Variants in LRRC37B observed in about 807,000 individuals in gnomAD.
The protein encoded by LRRC37B is leucine-rich repeat-containing protein 37B.
Under a neutral mutation model 98.3 loss-of-function variants are expected in LRRC37B, and 28 were observed. The observed-to-expected ratio is 0.28, with a 90% CI of 0.21 to 0.39. LRRC37B has a LOEUF of 0.39. Ranked by LOEUF, LRRC37B falls within the 10% of genes least tolerant of loss-of-function variation. The pLI is 1.00. For missense variants in LRRC37B, 938 were observed against 1,182.7 expected (o/e 0.79, Z 3.03); for synonymous variants, 364 against 442.7 (o/e 0.82, Z 2.23).
At chr17:32,031,720 T>C (rs1037395148) in intron 5 of LRRC37B, among the ~76,000 whole-genome samples, 23 of 151,636 alleles carry the variant, frequency 1.5e-4, no homozygotes, top group Non-Finnish European at 3.4e-4. Context: ...CAAATTAGCC[T>C]TGTTGCTGGG....
chr17:32,012,524 C>A (rs982435774), intron 1 of LRRC37B, among the ~76,000 whole-genome samples: 1 of 150,740 alleles, frequency 6.6e-6, no homozygotes, highest in Non-Finnish European at 1.5e-5. Flanking sequence ...CAAGACCAGA[C>A]CGGCCAACAT....
chr17:32,024,347 G>A lies in LRRC37B; in HGVS notation c.1761-364G>A, dbSNP rs879065187. 13 of 584,518 alleles carry A rather than the reference G, an allele frequency of 2.2e-5. No homozygotes were observed. The South Asian group carries it at 2.6e-4, about 12-fold the overall frequency. 36.2% of individuals were successfully genotyped at this position (584,518 alleles called of 1,614,324 possible). ...TCTACTTATTTATCGATAAAGATAA[G>A]CTTATGCCCATTTTTCTGTTGAATT... On this transcript the variant is annotated intron_variant, in intron 1 of 11. Transcript: ENST00000327564.
intron 2 of LRRC37B, among the ~76,000 whole-genome samples, chr17:32,025,112 C>A (rs1285837196): frequency 8.0e-6 from 1 of 124,410 alleles, no homozygotes; most frequent in African/African-American, 3.0e-5. Context: ...TCACATCTCA[C>A]TGCAGCCTTC....
Position 32,035,000 on chromosome 17 carries a change from T to A in LRRC37B, c.2129+19T>A. ...AATATCTGTAAGTACTATAGTACTCTCATGAGTCATGAGATGATTTATGCT... is the reference window on the plus strand; with the variant it reads ...AATATCTGTAAGTACTATAGTACTCACATGAGTCATGAGATGATTTATGCT... On this transcript the variant is annotated intron_variant, in intron 6 of 11. Coordinates refer to ENST00000327564, the Ensembl canonical transcript of LRRC37B. The A allele has an allele frequency of 6.9e-7, 1 of 1,445,324 alleles. No homozygotes were observed. Among genetic ancestry groups the A allele is most frequent in the Non-Finnish European group, 9.6e-7 (1 of 1,041,138 alleles). 89.5% of individuals were successfully genotyped at this position (1,445,324 alleles called of 1,614,324 possible). A position where few individuals can be genotyped will look rare whatever the true frequency, so the allele number is the denominator to read the frequency against.
At chr17:32,025,437 A>T (rs931681003) in intron 2 of LRRC37B, among the ~76,000 whole-genome samples, 3 of 151,626 alleles carry the variant, frequency 2.0e-5, no homozygotes, top group Non-Finnish European at 4.4e-5. Flanking sequence ...CTGTGTGTTT[A>T]GTATACATGC....
intron 3 of LRRC37B, 118 bp downstream of exon 6, chr17:32,027,958 A>C: frequency 1.4e-6 from 1 of 735,380 alleles, no homozygotes; most frequent in Admixed American, 3.0e-5. Context: ...CAATTCTGTA[A>C]GTTTGTATAG....
intron 3 of LRRC37B, among the ~76,000 whole-genome samples, chr17:32,030,414 C>T (rs1342584646): frequency 6.6e-6 from 1 of 151,182 alleles, no homozygotes; most frequent in African/African-American, 2.4e-5. Context: ...GTCTACTGCT[C>T]TCAGGAAAAA....
At chr17:32,021,185 T>A in exon 1 of LRRC37B, 1 of 1,613,392 alleles carries the variant, frequency 6.2e-7, no homozygotes, top group South Asian at 1.1e-5. Context: ...GGCCCCTCCT[T>A]ACGTGGCAAC....
intron 1 of LRRC37B, among the ~76,000 whole-genome samples, chr17:32,023,749 T>C (rs1247033929): frequency 1.3e-5 from 2 of 152,210 alleles, no homozygotes; most frequent in Admixed American, 1.3e-4. Flanking sequence ...CTCCTCTTTG[T>C]CCCTGGCTTT....
At position 32,049,974 on chromosome 17, in the gene LRRC37B, CTTTTTTCTTTT is replaced by C. The variant is rs763088892; in HGVS notation, c.2758-13_2758-3del. 7.8e-5 allele frequency: 102 copies of C among 1,312,472 alleles called. No homozygotes were observed. Among genetic ancestry groups the C allele is most frequent in the African/African-American group, 2.1e-4 (14 of 66,178 alleles). 81.3% of individuals were successfully genotyped at this position (1,312,472 alleles called of 1,614,324 possible). The stretch of plus-strand genomic sequence containing the variant: ...CTCTCTTTTTTTTTAATTGTTCTTT[CTTTTTTCTTTT>C]TTTTTTCTTTTTTTTAGCTCATGAA... On this transcript the variant is annotated intron_variant, in intron 10 of 11. Coordinates refer to ENST00000327564, the Ensembl canonical transcript of LRRC37B.
chr17:32,007,782 A>G, upstream of LRRC37B: 1 of 1,189,682 alleles, frequency 8.4e-7, no homozygotes, highest in Non-Finnish European at 1.0e-6. This position sits in a 1 kb window ranked among gnomAD's most constrained non-coding sequence, Gnocchi z 4.1. Flanking sequence ...GGCGCCCAAG[A>G]CGCGGCTGAG....
chr17:32,017,833 G>A (rs1226542039), upstream of LRRC37B: 2 of 152,624 alleles, frequency 1.3e-5, no homozygotes, highest in Non-Finnish European at 2.9e-5. Flanking sequence ...AGCATATGAT[G>A]AGGAAACTTC....
intron 1 of LRRC37B, among the ~76,000 whole-genome samples, chr17:32,010,387 A>T (rs1017541968): frequency 2.6e-5 from 4 of 152,260 alleles, no homozygotes; most frequent in African/African-American, 9.6e-5. Flanking sequence ...TTTGATTATT[A>T]CAAAAACGGG....
In LRRC37B at chr17:32,045,681, T is replaced by A. The variant is rs1911551174; in HGVS notation, c.2205-19T>A. 6.2e-7 allele frequency: 1 copy of A among 1,604,562 alleles called. No individual in the cohort carries two copies. The highest frequency in any genetic ancestry group is 1.7e-5 in the Admixed American group (1 of 59,982). On this transcript the variant is annotated intron_variant, in intron 7 of 11. Coordinates refer to ENST00000327564, the Ensembl canonical transcript of LRRC37B. ...AACCGCTTTACCACTAATTTATTGT[T>A]TTGTGTTTTCATCTATAGGATCTTA...
intron 7 of LRRC37B, among the ~76,000 whole-genome samples, chr17:32,044,121 A>T (rs1002839722): frequency 5.3e-5 from 8 of 151,664 alleles, no homozygotes; most frequent in African/African-American, 1.9e-4. Context: ...ACCATGCTAT[A>T]CTGCTTAAGA....
At chr17:32,024,448 A>G in intron 1 of LRRC37B, 4 of 748,402 alleles carry the variant, frequency 5.3e-6, no homozygotes, top group Non-Finnish European at 7.0e-6. Flanking sequence ...CTTACATTCA[A>G]AGTAATTAAC....
At chr17:32,036,976 A>ATTTTTTT (rs71360793) in intron 7 of LRRC37B, among the ~76,000 whole-genome samples, 4 of 51,666 alleles carry the variant, frequency 7.7e-5, no homozygotes, top group East Asian at 1.5e-3. Flanking sequence ...CATCTTCAGC[A>ATTTTTTT]TTTTTTTTTT....
chr17:32,050,239 C>A (rs1405293590), intron 11 of LRRC37B, 132 bp downstream of exon 14: 1 of 681,790 alleles, frequency 1.5e-6, no homozygotes, highest in Non-Finnish European at 2.8e-6. Flanking sequence ...CTGAGGTGTG[C>A]TTTGTTCTTT....
chr17:32,035,384 G>T (rs113304719), intron 6 of LRRC37B, among the ~76,000 whole-genome samples, 181 bp from the exon 10 acceptor site: 1 of 152,070 alleles, frequency 6.6e-6, no homozygotes, highest in Admixed American at 6.5e-5. Context: ...ATTTGATGAC[G>T]TAGATCAACT....
Sources: gnomAD v4.1 joint callset for allele counts (sites outside exome capture counted in the v4.1 genomes callset) on GRCh38, gnomAD v4.1.1 for gene constraint, Gnocchi (gnomAD v3.1) non-coding constraint, MANE v1.5 for transcripts, NCBI Gene and HGNC (gene_info 2026-07-23, HGNC 2026-07-21) for gene names.